Variants in CLVS1 observed in about 807,000 individuals in gnomAD.
The protein encoded by CLVS1 is clavesin 1.
CLVS1 carries 10 observed loss-of-function variants against 33.1 expected under a neutral mutation model. That is an observed-to-expected ratio of 0.30 (90% CI 0.19 to 0.51). The LOEUF is 0.51. Ranked by LOEUF, CLVS1 falls within the 20% of genes least tolerant of loss-of-function variation. The pLI is 0.97. For missense variants in CLVS1, 343 were observed against 433.4 expected (o/e 0.79, Z 1.85); for synonymous variants, 163 against 166.1 (o/e 0.98, Z 0.14).
intron 2 of CLVS1, among the ~76,000 whole-genome samples, chr8:61,141,614 C>G (rs193221576): frequency 4.2e-4 from 64 of 152,224 alleles, no homozygotes; most frequent in Admixed American, 9.2e-4. Flanking sequence ...AGTTGAGTAC[C>G]ACTTACTCTC....
At chr8:61,054,183 C>A (rs886121367), upstream of CLVS1, among the ~76,000 whole-genome samples, 2 of 152,176 alleles carry the variant, frequency 1.3e-5, no homozygotes, top group Non-Finnish European at 2.9e-5. Context: ...TTAGCTGCCG[C>A]AATTGCCTGG....
At chr8:61,493,344 A>G (rs11987270) in intron 5 of CLVS1, among the ~76,000 whole-genome samples, 2,793 of 152,350 alleles carry the variant, frequency 0.018, 80 homozygotes, top group African/African-American at 0.063. Context: ...ATATCAATCA[A>G]TATTTCTGGA....
chr8:61,270,524 C>T (rs1473090513), intron 2 of CLVS1, among the ~76,000 whole-genome samples: 3 of 152,094 alleles, frequency 2.0e-5, no homozygotes, highest in Non-Finnish European at 4.4e-5. Flanking sequence ...TGCTGCTGGC[C>T]TCATAAAATG....
chr8:61,136,765 A>G (rs1806197963), intron 2 of CLVS1, among the ~76,000 whole-genome samples: 1 of 152,180 alleles, frequency 6.6e-6, no homozygotes, highest in African/African-American at 2.4e-5. Flanking sequence ...TGATGGAATA[A>G]TCTGTACAGC....
intron 3 of CLVS1, among the ~76,000 whole-genome samples, chr8:61,401,440 T>C (rs1433368161): frequency 6.6e-6 from 1 of 152,126 alleles, no homozygotes; most frequent in Non-Finnish European, 1.5e-5. Context: ...TGAAGAAGTT[T>C]CCTTCTATCC....
intron 2 of CLVS1, among the ~76,000 whole-genome samples, chr8:61,333,341 T>C (rs1811670192): frequency 6.6e-6 from 1 of 152,184 alleles, no homozygotes; most frequent in African/African-American, 2.4e-5. Flanking sequence ...ATTGTGACAG[T>C]TGTTAAATCT....
intron 3 of CLVS1, among the ~76,000 whole-genome samples, chr8:61,445,615 T>TA (rs1371279040): frequency 6.6e-6 from 1 of 152,204 alleles, no homozygotes; most frequent in African/African-American, 2.4e-5. Flanking sequence ...TCCTTTTTTT[T>TA]ATAATTTGTT....
chr8:61,093,186 G>A (rs946689593), intron 1 of CLVS1, among the ~76,000 whole-genome samples: 2 of 152,078 alleles, frequency 1.3e-5, no homozygotes, highest in African/African-American at 4.8e-5. Flanking sequence ...TCTTTATGAT[G>A]TATACCAATA....
At chr8:61,328,283 A>C (rs1006731504) in intron 2 of CLVS1, among the ~76,000 whole-genome samples, 3 of 152,210 alleles carry the variant, frequency 2.0e-5, no homozygotes, top group Non-Finnish European at 2.9e-5. Context: ...GAAAGAACCC[A>C]AAATAAGAGT....
intron 2 of CLVS1, among the ~76,000 whole-genome samples, chr8:61,214,756 A>G (rs1193947294): frequency 6.6e-6 from 1 of 152,162 alleles, no homozygotes; most frequent in Non-Finnish European, 1.5e-5. Context: ...GGGTAACTTT[A>G]TGGTTATAAT....
the CLVS1 span, among the ~76,000 whole-genome samples, chr8:60,988,694 AT>A: frequency 2.0e-4 from 31 of 151,978 alleles, no homozygotes; most frequent in Middle Eastern, 3.4e-3. Flanking sequence ...TTAAGAAGGA[AT>A]TTTTTTTTGT....
intron 2 of CLVS1, among the ~76,000 whole-genome samples, chr8:61,245,801 G>A (rs555597832): frequency 1.9e-4 from 29 of 151,096 alleles, no homozygotes; most frequent in African/African-American, 6.8e-4. Flanking sequence ...ATTATCTTAG[G>A]GATGGCTGGA....
the CLVS1 span, among the ~76,000 whole-genome samples, chr8:60,980,138 A>C: frequency 6.6e-6 from 1 of 152,230 alleles, no homozygotes; most frequent in Non-Finnish European, 1.5e-5. Context: ...CAAGAACTGC[A>C]CAAGTTCTAA....
upstream of CLVS1, among the ~76,000 whole-genome samples, chr8:61,054,364 C>A (rs1419801376): frequency 6.6e-6 from 1 of 152,138 alleles, no homozygotes; most frequent in Non-Finnish European, 1.5e-5. Flanking sequence ...TGTGGGCTGC[C>A]AGGGATCAGT....
chr8:61,460,570 C>T lies in CLVS1; in HGVS notation c.977+2028C>T, dbSNP rs569232751. Among the ~76,000 whole-genome samples the T allele has an allele frequency of 3.2e-4, 49 of 152,266 alleles. No homozygotes were observed. The South Asian group carries it at 9.5e-3, about 30-fold the overall frequency. ...CTATTGAAACTCTCATAAAATTGCC[C>T]ATGTTTGATGAGAGAAGTGAGCAGG... is the stretch of plus-strand genomic sequence containing the variant. On this transcript the variant is annotated intron_variant, in intron 5 of 5. Coordinates refer to ENST00000325897, the MANE Select transcript of CLVS1 (RefSeq NM_173519.3).
At chr8:61,325,652 G>A (rs1409442162) in intron 2 of CLVS1, among the ~76,000 whole-genome samples, 2 of 152,134 alleles carry the variant, frequency 1.3e-5, no homozygotes, top group East Asian at 3.9e-4. Flanking sequence ...CTAGCTGATA[G>A]CATCTACTGG....
chr8:61,084,506 T>C (rs1344080363), intron 1 of CLVS1, among the ~76,000 whole-genome samples: 1 of 152,166 alleles, frequency 6.6e-6, no homozygotes, highest in Non-Finnish European at 1.5e-5. Context: ...AAGCCAGAGA[T>C]GCTGCTAAAC....
chr8:61,378,520 A>G (rs74447684), intron 3 of CLVS1: 1 of 152,258 alleles, frequency 6.6e-6, no homozygotes, highest in African/African-American at 2.4e-5. Context: ...GTCACACGCC[A>G]GGGTCCAAGA....
intron 2 of CLVS1, among the ~76,000 whole-genome samples, chr8:61,360,175 C>A (rs1024382516): frequency 2.0e-5 from 3 of 152,164 alleles, no homozygotes; most frequent in East Asian, 1.9e-4. Context: ...AAGAACACAC[C>A]TTTCCCACTG....
Sources: gnomAD v4.1 joint callset for allele counts (sites outside exome capture counted in the v4.1 genomes callset) on GRCh38, gnomAD v4.1.1 for gene constraint, MANE v1.5 for transcripts, NCBI Gene and HGNC (gene_info 2026-07-23, HGNC 2026-07-21) for gene names.